Variants in ROCK2 observed in about 807,000 individuals in gnomAD.
ROCK2 encodes rho-associated protein kinase 2.
ROCK2 carries 61 observed loss-of-function variants against 195.1 expected under a neutral mutation model. That is an observed-to-expected ratio of 0.31 (90% confidence interval 0.25 to 0.39). The LOEUF (loss-of-function observed/expected upper bound fraction) is 0.39. ROCK2 is among the 10% of genes least tolerant of loss of function. ROCK2 has a pLI of 1.00. For missense variants in ROCK2, 1,109 were observed against 1,637.4 expected, an observed-to-expected ratio of 0.68 and a Z score of 5.57; for synonymous variants, 504 against 545.5, an observed-to-expected ratio of 0.92 and a Z score of 1.06.
In ROCK2 at chr2:11,205,966, G is replaced by A. The variant is rs944692876; in HGVS notation, c.2549+1760C>T. ...TCTACTAAAAATACAAAAATAAGCC[G>A]GGCATAGTGGTGGGCACCTGTATTC... On this transcript the variant is annotated intron_variant, in intron 20 of 32. Coordinates refer to ENST00000315872, the MANE Select transcript of ROCK2 (RefSeq NM_004850.5). 5.3e-5 allele frequency among the ~76,000 whole-genome samples: 8 copies of A among 152,010 alleles called. No individual in the cohort carries two copies. In the South Asian group the frequency reaches 1.0e-3, roughly 20 times the overall value.
chr2:11,313,199 A>G (rs73175694), intron 1 of ROCK2, among the ~76,000 whole-genome samples: 351 of 152,192 alleles, frequency 2.3e-3, no homozygotes, highest in African/African-American at 8.2e-3. Context: ...TACGATGTTA[A>G]TAACAGAAAC....
chr2:11,229,792 G>T (rs577345420), intron 5 of ROCK2, among the ~76,000 whole-genome samples: 1 of 152,088 alleles, frequency 6.6e-6, no homozygotes, highest in Non-Finnish European at 1.5e-5. Flanking sequence ...ATATATTTTG[G>T]TTAGCAAATC....
At chr2:11,322,010 A>G (rs1668415065) in intron 1 of ROCK2, among the ~76,000 whole-genome samples, 1 of 152,104 alleles carries the variant, frequency 6.6e-6, no homozygotes, top group South Asian at 2.1e-4. Context: ...CCTTCTAAGA[A>G]GAGGAGATTA....
chr2:11,313,118 T>C (rs1357791565), intron 1 of ROCK2, among the ~76,000 whole-genome samples: 1 of 152,128 alleles, frequency 6.6e-6, no homozygotes, highest in Non-Finnish European at 1.5e-5. Flanking sequence ...AAGAAAACTA[T>C]GTACTTCAGT....
chr2:11,183,553 C>T, intron 32 of ROCK2, 113 bp from the exon 33 acceptor site: 2 of 715,504 alleles, frequency 2.8e-6, no homozygotes, highest in Non-Finnish European at 4.5e-6. Context: ...CTTCCAGCTA[C>T]TATATTTTTT....
In ROCK2 at chr2:11,344,080, C is replaced by A. The variant is rs747673451; in HGVS notation, c.57G>T (p.Gly19=). 1.0e-5 allele frequency: 16 copies of A among 1,547,606 alleles called. No homozygotes were observed. Among genetic ancestry groups the A allele is most frequent in the Non-Finnish European group, 1.4e-5 (16 of 1,152,478 alleles). Residue 19 remains glycine (G), a synonymous_variant, in exon 1 of 33, where the codon GGG becomes GGT. Transcript: ENST00000315872. The surrounding 1 kb of genome is among the most constrained non-coding windows in gnomAD (Gnocchi z 5.4). ...TCTGGCGGCTCGCGCCTGCCCCGTCCCCCGGCGCGGTCTCGGGGGCGCCGG... is the reference window on the plus strand; with the variant it reads ...TCTGGCGGCTCGCGCCTGCCCCGTCACCCGGCGCGGTCTCGGGGGCGCCGG... The part of the protein sequence containing the change: ...KMPGAPETAP[G]DGAGASRQRK...
chr2:11,292,376 TAA>T (rs1667389464), intron 1 of ROCK2, among the ~76,000 whole-genome samples: 1 of 152,154 alleles, frequency 6.6e-6, no homozygotes, highest in Admixed American at 6.5e-5. Context: ...TCACAGCATA[TAA>T]GTTAATACTA....
At chr2:11,265,969 G>A (rs553263769) in intron 3 of ROCK2, among the ~76,000 whole-genome samples, 6 of 152,044 alleles carry the variant, frequency 3.9e-5, no homozygotes, top group Admixed American at 1.3e-4. Flanking sequence ...CATGTATGGC[G>A]GTACACACCT....
intron 1 of ROCK2, chr2:11,308,082 G>A: frequency 1.2e-5 from 19 of 1,609,246 alleles, no homozygotes; most frequent in South Asian, 3.3e-5. Context: ...TAGGAGAGGC[G>A]CCGACTGCGA....
At chr2:11,335,769 C>T (rs1474128488) in intron 1 of ROCK2, among the ~76,000 whole-genome samples, 1 of 152,194 alleles carries the variant, frequency 6.6e-6, no homozygotes, top group African/African-American at 2.4e-5. Context: ...CTACTTCATA[C>T]TTTCCATCAG....
At chr2:11,340,597 A>G (rs1334727388) in intron 1 of ROCK2, among the ~76,000 whole-genome samples, 2 of 152,154 alleles carry the variant, frequency 1.3e-5, no homozygotes, top group Non-Finnish European at 2.9e-5. Context: ...TTTTTATTCT[A>G]TTTCATTTTT....
chr2:11,197,013 A>G lies in ROCK2; in HGVS notation c.3448+167T>C, dbSNP rs1663663819. 6.6e-6 allele frequency among the ~76,000 whole-genome samples: 1 copy of G among 152,258 alleles called. No homozygotes were observed. Among genetic ancestry groups the G allele is most frequent in the African/African-American group, 2.4e-5 (1 of 41,468 alleles). On this transcript the variant is annotated intron_variant, in intron 27 of 32. Transcript: ENST00000315872. This position sits in a 1 kb window ranked among gnomAD's most constrained non-coding sequence, Gnocchi z 4.9. ...ATGAAAAACTTTGTAAAAAAAATCA[A>G]TAAATAAAATAAGTTTGAAATGTTA... is the stretch of plus-strand genomic sequence containing the variant.
At chr2:11,324,550 G>C (rs774969101) in intron 1 of ROCK2, among the ~76,000 whole-genome samples, 1 of 152,250 alleles carries the variant, frequency 6.6e-6, no homozygotes, top group African/African-American at 2.4e-5. Flanking sequence ...CAGTGGGTGA[G>C]TGGGTACAGT....
intron 3 of ROCK2, 107 bp downstream of exon 3, chr2:11,286,432 C>A: frequency 1.4e-6 from 1 of 709,512 alleles, no homozygotes; most frequent in South Asian, 1.9e-5. Flanking sequence ...ACAAAGCCAC[C>A]TTCTGGCATG....
At chr2:11,202,642 C>T (rs899004460) in intron 20 of ROCK2, among the ~76,000 whole-genome samples, 10 of 151,904 alleles carry the variant, frequency 6.6e-5, no homozygotes, top group African/African-American at 1.7e-4. Flanking sequence ...GGACTACAGG[C>T]GCCTGCCACC....
At chr2:11,220,583 A>G (rs1265479712) in intron 9 of ROCK2, among the ~76,000 whole-genome samples, 4 of 152,190 alleles carry the variant, frequency 2.6e-5, no homozygotes, top group Non-Finnish European at 5.9e-5. Flanking sequence ...GAGTCCTCCA[A>G]ACTGTAATGA....
intron 3 of ROCK2, among the ~76,000 whole-genome samples, chr2:11,267,111 C>G (rs946827661): frequency 6.6e-6 from 1 of 152,170 alleles, no homozygotes; most frequent in African/African-American, 2.4e-5. Flanking sequence ...CAAATTTCAA[C>G]TCCAAATTCT....
At chr2:11,274,579 T>C (rs1386943543) in intron 3 of ROCK2, among the ~76,000 whole-genome samples, 1 of 151,892 alleles carries the variant, frequency 6.6e-6, no homozygotes, top group East Asian at 1.9e-4. Context: ...AACCAGAAAA[T>C]ATAAATAGAC....
intron 1 of ROCK2, chr2:11,308,144 A>G: frequency 3.1e-6 from 5 of 1,610,684 alleles, no homozygotes; most frequent in Middle Eastern, 2.3e-4. Flanking sequence ...TATTAGCAAG[A>G]CATCTACAAA....
Sources: gnomAD v4.1 joint callset for allele counts (sites outside exome capture counted in the v4.1 genomes callset) on GRCh38, gnomAD v4.1.1 for gene constraint, Gnocchi (gnomAD v3.1) non-coding constraint, MANE v1.5 for transcripts, NCBI Gene and HGNC (gene_info 2026-07-23, HGNC 2026-07-21) for gene names.